WDR91: variants seen among roughly 807,000 people sequenced by gnomAD.
The protein encoded by WDR91 is WD repeat-containing protein 91.
A neutral mutation model predicts 88.4 loss-of-function variants in WDR91; 52 were observed. The ratio of observed to expected loss-of-function variants is 0.59; its 90% CI spans 0.47 to 0.74. The LOEUF (loss-of-function observed/expected upper bound fraction) is 0.74, where lower values mean the gene tolerates loss of function less well. WDR91 is among the 30% of genes least tolerant of loss of function. The pLI is 0.00. For missense variants in WDR91, 824 were observed against 954.5 expected (o/e 0.86, Z 1.80); for synonymous variants, 362 against 389.5 (o/e 0.93, Z 0.83).
At chr7:135,198,175 G>C in intron 6 of WDR91, 24 bp from the exon 7 acceptor site, 2 of 1,603,316 alleles carry the variant, frequency 1.2e-6, no homozygotes, top group Non-Finnish European at 8.5e-7. Context: ...AGCTGGCTGT[G>C]AAGTCTCTTC....
chr7:135,203,418 C>G (rs1831643231), intron 6 of WDR91, among the ~76,000 whole-genome samples: 1 of 152,222 alleles, frequency 6.6e-6, no homozygotes, highest in African/African-American at 2.4e-5. Flanking sequence ...AAGCAATAAA[C>G]AGTCTGCAGG....
At chr7:135,193,556 T>TG in intron 10 of WDR91, 22 bp downstream of exon 10, 2 of 1,613,562 alleles carry the variant, frequency 1.2e-6, no homozygotes, top group Non-Finnish European at 1.7e-6. Context: ...GCCTTGATGG[T>TG]GGGGGGTAGG....
At chr7:135,188,722 G>A (rs1370344191) in intron 12 of WDR91, among the ~76,000 whole-genome samples, 177 bp from the exon 13 acceptor site, 1 of 152,218 alleles carries the variant, frequency 6.6e-6, no homozygotes, top group Non-Finnish European at 1.5e-5. Context: ...AGGTCAGGCT[G>A]CTTCTAAGCC....
rs183436383 is a variant in WDR91 at position 135,204,003 on chromosome 7, G to A, written c.891+265C>T. ...TGAAGCGGGGAGCCAGAATGCATTC[G>A]GTGGATTTTCCTCCTCCTCCTCTCA... On this transcript the variant is annotated intron_variant, in intron 6 of 14. Transcript: ENST00000354475. 3.1e-3 allele frequency among the ~76,000 whole-genome samples: 471 copies of A among 152,226 alleles called. 3 individuals are homozygous for A. The highest frequency in any genetic ancestry group is 0.014 in the Middle Eastern group (4 of 294).
chr7:135,186,678 T>C (rs1830954925), intron 14 of WDR91, among the ~76,000 whole-genome samples: 1 of 152,226 alleles, frequency 6.6e-6, no homozygotes, highest in Non-Finnish European at 1.5e-5. Flanking sequence ...TCATGTCCCA[T>C]ACTGGGGAAT....
In WDR91 at chr7:135,198,100, G is replaced by A. The variant is rs1208236903; in HGVS notation, c.943C>T (p.Leu315Phe). 4.3e-6 allele frequency: 7 copies of A among 1,613,980 alleles called. No homozygotes were observed. The highest frequency in any genetic ancestry group is 5.9e-6 in the Non-Finnish European group (7 of 1,179,882). ...GACTCCCCAGTGGCCAGCCCGCTGA[G>A]GAGGCTCTTCCCATCCTTGGCTCCG... ...TSGAKDGKSL[L>F]SGLATGESGW... The change falls in exon 7 of 15, where the codon CTC becomes TTC. Residue 315 changes from leucine (L) to phenylalanine (F), a missense_variant. Physicochemically the swap from Leu to Phe is conservative, Grantham distance 22. Coordinates refer to ENST00000354475, the MANE Select transcript of WDR91 (RefSeq NM_014149.4).
In WDR91 at chr7:135,211,340, C is replaced by G. The variant is rs556539285; in HGVS notation, c.123+40G>C. 1.6e-5 allele frequency: 26 copies of G among 1,584,858 alleles called. No homozygotes were observed. In the African/African-American group the frequency reaches 2.5e-4, roughly 15 times the overall value. On this transcript the variant is annotated intron_variant, in intron 1 of 14. Transcript: ENST00000354475. Reference sequence around the variant, plus strand: ...GGGGAAGCCCGCTCCCCGGCTCCCTCGGGCCGCCTCTGCCCGCGCCGCTCC... The same window carrying G: ...GGGGAAGCCCGCTCCCCGGCTCCCTGGGGCCGCCTCTGCCCGCGCCGCTCC...
intron 3 of WDR91, chr7:135,207,411 A>G: frequency 1.8e-6 from 1 of 559,418 alleles, no homozygotes. Flanking sequence ...TTTCATTCGG[A>G]CAGATTCACA....
At chr7:135,187,762 T>C (rs1831006909) in intron 13 of WDR91, among the ~76,000 whole-genome samples, 1 of 152,220 alleles carries the variant, frequency 6.6e-6, no homozygotes, top group Non-Finnish European at 1.5e-5. Flanking sequence ...ACCTCTTCAC[T>C]GAGCATCCCA....
chr7:135,199,142 AT>A (rs1286653351), intron 6 of WDR91: 1 of 152,170 alleles, frequency 6.6e-6, no homozygotes, highest in Non-Finnish European at 1.5e-5. Flanking sequence ...TCTACTTGTT[AT>A]TTTTTATGTC....
At position 135,197,911 on chromosome 7, in the gene WDR91, A is replaced by G. The variant is rs182558761; in HGVS notation, c.1050+82T>C. 12 of 1,514,358 alleles carry G rather than the reference A, an allele frequency of 7.9e-6. 2 individuals are homozygous for G. The African/African-American group carries it at 1.1e-4, about 14-fold the overall frequency. The allele number at this position is 1,514,358 out of a possible 1,614,324, so 93.8% of individuals were successfully genotyped here. ...CACTCTGCACAGCTGCAGAACTCAG[A>G]AGAGAGAGAAGAGAAGACCCCCCAC... On this transcript the variant is annotated intron_variant, in intron 7 of 14. Transcript: ENST00000354475.
At chr7:135,191,072 G>C (rs1831145625) in intron 11 of WDR91, among the ~76,000 whole-genome samples, 1 of 152,186 alleles carries the variant, frequency 6.6e-6, no homozygotes, top group East Asian at 1.9e-4. Context: ...AAAGCAGCCA[G>C]AGAGAAAAGA....
At position 135,211,482 on chromosome 7, in the gene WDR91, G is replaced by T. The variant is rs144966993; in HGVS notation, c.21C>A (p.Arg7=). ...GGTACTCCCGGACCAGCTCGTCAGT[G>T]CGCTCCACGGCCTCCGCCATCGCAG... MAEAVE[R]TDELVREYLL... is the part of the protein sequence containing the mutation. Residue 7 remains arginine, a synonymous_variant, in exon 1 of 15, where the codon CGC becomes CGA. Coordinates refer to ENST00000354475, the MANE Select transcript of WDR91 (RefSeq NM_014149.4). 1.9e-6 allele frequency: 3 copies of T among 1,611,642 alleles called. No individual in the cohort carries two copies. Among genetic ancestry groups the T allele is most frequent in the South Asian group, 2.2e-5 (2 of 90,908 alleles).
chr7:135,198,278 G>A lies in WDR91; in HGVS notation c.892-127C>T. ...GGGGGCAGGTGGTTAAAATGGTGTT[G>A]GCTCAGCTATGTAGGTGAGGTCATA... On this transcript the variant is annotated intron_variant, in intron 6 of 14. Coordinates refer to ENST00000354475, the MANE Select transcript of WDR91 (RefSeq NM_014149.4). 3 of 1,142,636 alleles carry A rather than the reference G, an allele frequency of 2.6e-6. No individual in the cohort carries two copies. The South Asian group carries it at 4.8e-5, about 18-fold the overall frequency. The allele number at this position is 1,142,636 out of a possible 1,614,324, so 70.8% of individuals were successfully genotyped here.
chr7:135,202,751 G>A (rs1256990635), intron 6 of WDR91, among the ~76,000 whole-genome samples: 1 of 152,174 alleles, frequency 6.6e-6, no homozygotes, highest in Admixed American at 6.5e-5. Context: ...TGCACAGTGA[G>A]AGATCCAGAA....
Position 135,193,573 on chromosome 7 carries a change from T to G in WDR91, c.1490+5A>C, listed in dbSNP as rs1385644658. 2.5e-6 allele frequency: 4 copies of G among 1,614,006 alleles called. No homozygotes were observed. Among genetic ancestry groups the G allele is most frequent in the Non-Finnish European group, 3.4e-6 (4 of 1,180,008 alleles). ...CTTGATGGTGGGGGGTAGGTTCCAG[T>G]TCACCTGGGCATGTTGTCGTTGATA... On this transcript the variant is annotated splice_donor_5th_base_variant and intron_variant, in intron 10 of 14. Transcript: ENST00000354475.
intron 11 of WDR91, among the ~76,000 whole-genome samples, chr7:135,190,295 G>A (rs527978395): frequency 6.6e-6 from 1 of 152,262 alleles, no homozygotes; most frequent in South Asian, 2.1e-4. Flanking sequence ...GAATGAACTA[G>A]AAACAAACCT....
chr7:135,200,201 C>T (rs1216354735), intron 6 of WDR91: 1 of 152,154 alleles, frequency 6.6e-6, no homozygotes, highest in South Asian at 2.1e-4. Context: ...TAGGTGAAGG[C>T]CAATTTGTGT....
intron 6 of WDR91, chr7:135,198,850 T>G (rs769963232): frequency 4.6e-5 from 7 of 152,302 alleles, no homozygotes; most frequent in Non-Finnish European, 8.8e-5. Context: ...CCCACCTGTA[T>G]AGAGAGAAGA....
Sources: gnomAD v4.1 joint callset for allele counts (sites outside exome capture counted in the v4.1 genomes callset) on GRCh38, gnomAD v4.1.1 for gene constraint, MANE v1.5 for transcripts, NCBI Gene and HGNC (gene_info 2026-07-23, HGNC 2026-07-21) for gene names.